The following LMBR1 variants were observed in gnomAD, a reference collection of about 807,000 sequenced individuals.
LMBR1 encodes limb development membrane protein 1, also known as limb region 1 protein homolog.
A neutral mutation model predicts 73.9 loss-of-function variants in LMBR1; 52 were observed. That is an observed-to-expected ratio of 0.70 (90% CI 0.56 to 0.89). LMBR1 has a LOEUF of 0.89. Ranked by LOEUF, LMBR1 falls within the 40% of genes least tolerant of loss-of-function variation. LMBR1 has a pLI of 0.00. For missense variants in LMBR1, 539 were observed against 579.8 expected (o/e 0.93, Z 0.72); for synonymous variants, 215 against 209.4 (o/e 1.03, Z -0.23).
At chr7:156,866,148 T>C (rs1480376417) in intron 1 of LMBR1, among the ~76,000 whole-genome samples, 4 of 151,658 alleles carry the variant, frequency 2.6e-5, no homozygotes, top group Admixed American at 2.0e-4. Flanking sequence ...AGATGACCCA[T>C]AGAATAGAAA....
chr7:156,869,524 A>C (rs1798962489), intron 1 of LMBR1, among the ~76,000 whole-genome samples: 1 of 152,200 alleles, frequency 6.6e-6, no homozygotes, highest in African/African-American at 2.4e-5. Context: ...AAAGGAAAAA[A>C]CAGAAAATAA....
intron 15 of LMBR1, among the ~76,000 whole-genome samples, chr7:156,710,205 C>A (rs1811795591): frequency 6.6e-6 from 1 of 151,770 alleles, no homozygotes; most frequent in Non-Finnish European, 1.5e-5. Flanking sequence ...GTGCCCGGCC[C>A]AGAAGGTTGA....
At chr7:156,816,434 A>G (rs944086163) in intron 4 of LMBR1, among the ~76,000 whole-genome samples, 2 of 152,164 alleles carry the variant, frequency 1.3e-5, no homozygotes, top group African/African-American at 4.8e-5. Flanking sequence ...TAGATCAAAC[A>G]AGGAGTAATG....
chr7:156,756,920 G>A (rs896910370), intron 8 of LMBR1, among the ~76,000 whole-genome samples: 7 of 152,048 alleles, frequency 4.6e-5, no homozygotes, highest in South Asian at 2.1e-4. Flanking sequence ...GGGGTCAAGC[G>A]ATCCTCCCAC....
intron 15 of LMBR1, among the ~76,000 whole-genome samples, chr7:156,703,912 G>T (rs1354120646): frequency 1.3e-5 from 2 of 152,102 alleles, no homozygotes; most frequent in Non-Finnish European, 2.9e-5. Flanking sequence ...CACTGTAGCT[G>T]GCTCTAACCT....
intron 5 of LMBR1, 49 bp from the exon 6 acceptor site, chr7:156,763,844 G>A: frequency 6.8e-7 from 1 of 1,477,898 alleles, no homozygotes; most frequent in Non-Finnish European, 9.2e-7. Flanking sequence ...TTCATTTCAT[G>A]AACAATAAGG....
chr7:156,845,775 T>C, intron 1 of LMBR1, among the ~76,000 whole-genome samples: 1 of 152,058 alleles, frequency 6.6e-6, no homozygotes, highest in Non-Finnish European at 1.5e-5. Context: ...CCATTCGCCA[T>C]GTAGCTGAGA....
chr7:156,677,058 T>C (rs1804196605), downstream of LMBR1: 1 of 162,646 alleles, frequency 6.1e-6, no homozygotes, highest in Non-Finnish European at 1.4e-5. Flanking sequence ...AATACTCGTT[T>C]TGTAATAATT....
At chr7:156,686,634 T>C (rs1229595059) in intron 16 of LMBR1, among the ~76,000 whole-genome samples, 1 of 152,232 alleles carries the variant, frequency 6.6e-6, no homozygotes, top group Non-Finnish European at 1.5e-5. Flanking sequence ...GGAACTGACA[T>C]GCATATAAGG....
chr7:156,884,307 CA>C (rs1236751645), intron 1 of LMBR1, among the ~76,000 whole-genome samples: 1 of 151,960 alleles, frequency 6.6e-6, no homozygotes, highest in Non-Finnish European at 1.5e-5. Flanking sequence ...TGAACATCAA[CA>C]ATTTCAGAGA....
At position 156,841,986 on chromosome 7, in the gene LMBR1, G is replaced by C. The variant is rs879320793; in HGVS notation, c.67-5101C>G. 1.2e-4 allele frequency among the ~76,000 whole-genome samples: 18 copies of C among 151,512 alleles called. 2 individuals carry two copies. Among genetic ancestry groups the C allele is most frequent in the Non-Finnish European group, 2.2e-4 (15 of 67,820 alleles). On this transcript the variant is annotated intron_variant, in intron 1 of 16. Transcript: ENST00000353442. ...GAAGTTATGTGCTCAAGTTGTGGGA[G>C]TGATATAAAATGTATCCATAAATAA...
At chr7:156,805,959 G>A (rs973557440) in intron 4 of LMBR1, among the ~76,000 whole-genome samples, 22 of 152,298 alleles carry the variant, frequency 1.4e-4, no homozygotes, top group Admixed American at 7.9e-4. Context: ...ACAACCATCC[G>A]TGAGCCAAGA....
At chr7:156,692,664 G>C (rs956558016) in intron 15 of LMBR1, among the ~76,000 whole-genome samples, 2 of 152,150 alleles carry the variant, frequency 1.3e-5, no homozygotes. Flanking sequence ...GCAGTGTAGA[G>C]AGAAGAGCTG....
intron 1 of LMBR1, among the ~76,000 whole-genome samples, chr7:156,890,733 T>C (rs1283966179): frequency 6.6e-6 from 1 of 152,234 alleles, no homozygotes; most frequent in Non-Finnish European, 1.5e-5. Flanking sequence ...CCTCTGAGAC[T>C]GTCAGTACTG....
At chr7:156,876,443 T>G (rs1457785596) in intron 1 of LMBR1, among the ~76,000 whole-genome samples, 2 of 152,054 alleles carry the variant, frequency 1.3e-5, no homozygotes, top group Non-Finnish European at 1.5e-5. Flanking sequence ...AAACAATGGA[T>G]TTAAACTATA....
chr7:156,697,387 C>G (rs1297113490), intron 15 of LMBR1, among the ~76,000 whole-genome samples: 2 of 152,148 alleles, frequency 1.3e-5, no homozygotes, highest in African/African-American at 2.4e-5. Context: ...GGTTCGAGAG[C>G]AGAGAACTGG....
intron 5 of LMBR1, among the ~76,000 whole-genome samples, chr7:156,776,016 T>A (rs536261940): frequency 6.6e-6 from 1 of 150,604 alleles, no homozygotes; most frequent in Non-Finnish European, 1.5e-5. Flanking sequence ...CCTTATAGGG[T>A]TGTTATAAAG....
chr7:156,728,656 A>C lies in LMBR1; in HGVS notation c.903T>G (p.Leu301=). The part of the protein sequence containing the change: ...NLVYPAVMVL[L]LIETSISVLL... ...AATAAATTCTTACTGTCTCAATAAGAAGGAGAACCATAACAGCGGGATACA... is the reference window on the plus strand; with the variant it reads ...AATAAATTCTTACTGTCTCAATAAGCAGGAGAACCATAACAGCGGGATACA... Residue 301 remains leucine (L), a synonymous_variant, in exon 11 of 17, where the codon CTT becomes CTG. Coordinates refer to ENST00000353442, the MANE Select transcript of LMBR1 (RefSeq NM_022458.4). The C allele has an allele frequency of 2.5e-6, 4 of 1,597,688 alleles. No homozygotes were observed. Among genetic ancestry groups the C allele is most frequent in the Non-Finnish European group, 3.4e-6 (4 of 1,175,652 alleles).
At chr7:156,800,281 A>AG (rs1830719178) in intron 4 of LMBR1, among the ~76,000 whole-genome samples, 3 of 152,210 alleles carry the variant, frequency 2.0e-5, no homozygotes, top group Admixed American at 1.3e-4. Context: ...CTCACTTGTT[A>AG]GGGGCAAATA....
Sources: allele counts gnomAD v4.1 joint callset (sites outside exome capture counted in the v4.1 genomes callset), GRCh38; gene constraint gnomAD v4.1.1; transcripts MANE v1.5; gene names NCBI Gene and HGNC (gene_info 2026-07-23, HGNC 2026-07-21).